TNR: variants seen among roughly 807,000 people sequenced by gnomAD.
The protein encoded by TNR is tenascin R.
Under a neutral mutation model 150.4 loss-of-function variants are expected in TNR, and 45 were observed. That is an observed-to-expected ratio of 0.30 (90% CI 0.24 to 0.38). TNR has a LOEUF of 0.38. Ranked by LOEUF, TNR falls within the 10% of genes least tolerant of loss-of-function variation. The pLI is 1.00. For missense variants in TNR, 1,544 were observed against 1,759.1 expected, an observed-to-expected ratio of 0.88 and a Z score of 2.19; for synonymous variants, 687 against 678.4, an observed-to-expected ratio of 1.01 and a Z score of -0.20.
At chr1:175,477,542 A>G (rs1455394862) in intron 2 of TNR, among the ~76,000 whole-genome samples, 1 of 152,208 alleles carries the variant, frequency 6.6e-6, no homozygotes, top group Middle Eastern at 3.2e-3. Flanking sequence ...TTGCCAATGC[A>G]TGGGGACCTG....
chr1:175,342,169 T>C (rs567600308), intron 18 of TNR, among the ~76,000 whole-genome samples: 2 of 152,296 alleles, frequency 1.3e-5, no homozygotes, highest in South Asian at 2.1e-4. Context: ...GAAACAAATA[T>C]AACCTTGAGC....
chr1:175,575,727 A>G (rs1662081019), intron 1 of TNR, among the ~76,000 whole-genome samples: 1 of 152,178 alleles, frequency 6.6e-6, no homozygotes, highest in African/African-American at 2.4e-5. Context: ...AGAGCATTCC[A>G]GGTGGGAGAG....
At chr1:175,604,296 G>A (rs1384690094) in intron 1 of TNR, among the ~76,000 whole-genome samples, 1 of 152,110 alleles carries the variant, frequency 6.6e-6, no homozygotes, top group African/African-American at 2.4e-5. Flanking sequence ...CTAATAATAG[G>A]CTTCATTCAG....
intron 2 of TNR, among the ~76,000 whole-genome samples, chr1:175,505,828 G>A (rs1411530010): frequency 2.6e-5 from 4 of 152,332 alleles, no homozygotes; most frequent in Admixed American, 1.3e-4. Context: ...ATCACCTGAG[G>A]CCGGGAGTTC....
In TNR at chr1:175,528,332, G is replaced by A. The variant is rs900651160; in HGVS notation, c.-127C>T. The A allele has an allele frequency of 6.6e-6, 1 of 152,318 alleles. No homozygotes were observed. The highest frequency in any genetic ancestry group is 2.1e-4 in the South Asian group (1 of 4,818). The allele number at this position is 152,318 out of a possible 1,614,324, so 9.4% of individuals were successfully genotyped here. On this transcript the variant is annotated 5_prime_UTR_variant, in exon 2 of 23. Coordinates refer to ENST00000367674, the MANE Select transcript of TNR (RefSeq NM_003285.3). ...ACTTTCTTTAATCCTAATTCCAAAA[G>A]AGACCTGCCCTCTATGCAGTTAAAA... is the stretch of plus-strand genomic sequence containing the variant.
intron 2 of TNR, among the ~76,000 whole-genome samples, chr1:175,460,398 C>T (rs756150049): frequency 6.6e-6 from 1 of 152,026 alleles, no homozygotes; most frequent in Non-Finnish European, 1.5e-5. Context: ...CTCACTCCCA[C>T]CAAGAAGGAA....
intron 2 of TNR, among the ~76,000 whole-genome samples, chr1:175,434,926 C>A (rs554500449): frequency 2.1e-4 from 32 of 152,302 alleles, no homozygotes; most frequent in African/African-American, 6.7e-4. Flanking sequence ...TGATCCTCAC[C>A]AGGCTAGGGT....
At chr1:175,657,169 A>G (rs561212151) in intron 1 of TNR, among the ~76,000 whole-genome samples, 1 of 152,352 alleles carries the variant, frequency 6.6e-6, no homozygotes, top group African/African-American at 2.4e-5. Context: ...TGAGGTCCCC[A>G]TCAAGATGCC....
intron 1 of TNR, among the ~76,000 whole-genome samples, chr1:175,562,718 C>T (rs1448588496): frequency 6.6e-6 from 1 of 152,186 alleles, no homozygotes; most frequent in South Asian, 2.1e-4. Context: ...GGGAAGTCTC[C>T]CTCCTGAGGC....
chr1:175,463,648 G>T (rs76102955), intron 2 of TNR, among the ~76,000 whole-genome samples: 6,385 of 152,246 alleles, frequency 0.042, 228 homozygotes, highest in African/African-American at 0.096. Context: ...GTTCCCTAAA[G>T]CTGCTTCACA....
At chr1:175,730,976 C>T (rs1428135397) in intron 1 of TNR, among the ~76,000 whole-genome samples, 1 of 152,102 alleles carries the variant, frequency 6.6e-6, no homozygotes, top group Admixed American at 6.5e-5. Flanking sequence ...AAAGCCAAGG[C>T]TATTTGACTT....
At chr1:175,511,340 C>T (rs1659165951) in intron 2 of TNR, among the ~76,000 whole-genome samples, 1 of 152,182 alleles carries the variant, frequency 6.6e-6, no homozygotes, top group African/African-American at 2.4e-5. Flanking sequence ...AGGCAACTGT[C>T]ATGCCAAAGC....
At chr1:175,420,445 A>G (rs1017181872) in intron 2 of TNR, among the ~76,000 whole-genome samples, 2 of 152,256 alleles carry the variant, frequency 1.3e-5, no homozygotes, top group Admixed American at 6.5e-5. Flanking sequence ...GCCTTATACC[A>G]TAAATAACAG....
At chr1:175,682,485 A>AT (rs1286291938) in intron 1 of TNR, among the ~76,000 whole-genome samples, 1 of 151,834 alleles carries the variant, frequency 6.6e-6, no homozygotes, top group Non-Finnish European at 1.5e-5. Flanking sequence ...AGGAGTGTGG[A>AT]TTTTTTTTCA....
intron 1 of TNR, among the ~76,000 whole-genome samples, chr1:175,648,238 T>C (rs1053289457): frequency 5.3e-5 from 8 of 152,190 alleles, no homozygotes; most frequent in African/African-American, 1.9e-4. Flanking sequence ...GCTATGTTTC[T>C]ACCCTCAAAC....
chr1:175,467,385 G>A (rs1419318886), intron 2 of TNR, among the ~76,000 whole-genome samples: 7 of 152,178 alleles, frequency 4.6e-5, no homozygotes, highest in African/African-American at 1.4e-4. Context: ...TCAAACAACA[G>A]GTTGACCTAG....
Position 175,403,267 on chromosome 1 carries a change from G to A in TNR, c.849C>T (p.Cys283=), listed in dbSNP as rs765022859. Residue 283 remains cysteine (C), a synonymous_variant, in exon 4 of 23, where the codon TGC becomes TGT. Coordinates refer to ENST00000367674, the MANE Select transcript of TNR (RefSeq NM_003285.3). The part of the protein sequence containing the change: ...KGRCANGTCL[C]EEGYVGEDCG... ...AGTCCTCACCAACGTAGCCCTCCTCGCATAAACAGGTACCGTTGGCACATC... is the reference window on the plus strand; with the variant it reads ...AGTCCTCACCAACGTAGCCCTCCTCACATAAACAGGTACCGTTGGCACATC... 8.7e-6 allele frequency: 14 copies of A among 1,613,892 alleles called. No individual in the cohort carries two copies. Among genetic ancestry groups the A allele is most frequent in the South Asian group, 3.3e-5 (3 of 91,058 alleles).
chr1:175,673,392 C>CT (rs1227660616), intron 1 of TNR, among the ~76,000 whole-genome samples: 2 of 152,166 alleles, frequency 1.3e-5, no homozygotes, highest in Admixed American at 1.3e-4. Flanking sequence ...GGTTTATAAA[C>CT]TAAGACAGAC....
intron 1 of TNR, among the ~76,000 whole-genome samples, chr1:175,609,550 T>C (rs979995895): frequency 1.3e-5 from 2 of 152,148 alleles, no homozygotes; most frequent in African/African-American, 4.8e-5. Context: ...TCATCTGAGG[T>C]GATATCCAAG....
Sources: gnomAD v4.1 joint callset for allele counts (sites outside exome capture counted in the v4.1 genomes callset) on GRCh38, gnomAD v4.1.1 for gene constraint, MANE v1.5 for transcripts, NCBI Gene and HGNC (gene_info 2026-07-23, HGNC 2026-07-21) for gene names.